The following SLC25A21 variants were observed in gnomAD, a reference collection of about 807,000 sequenced individuals.
SLC25A21 encodes the protein solute carrier family 25 member 21.
Under a neutral mutation model 43.8 loss-of-function variants are expected in SLC25A21, and 47 were observed. The ratio of observed to expected loss-of-function variants is 1.07; its 90% confidence interval spans 0.85 to 1.37. The LOEUF (loss-of-function observed/expected upper bound fraction) is 1.37. SLC25A21 is among the 40% of genes most tolerant of loss of function. The pLI is 0.00. For missense variants in SLC25A21, 352 were observed against 350.2 expected, an observed-to-expected ratio of 1.00 and a Z score of -0.04; for synonymous variants, 131 against 121.3, an observed-to-expected ratio of 1.08 and a Z score of -0.52.
At chr14:37,029,400 C>T (rs1338467068) in intron 1 of SLC25A21, among the ~76,000 whole-genome samples, 1 of 152,088 alleles carries the variant, frequency 6.6e-6, no homozygotes, top group Non-Finnish European at 1.5e-5. Flanking sequence ...ATAAAGCTTG[C>T]TGTTGTTACT....
chr14:36,736,824 T>A (rs1294065066), intron 3 of SLC25A21, among the ~76,000 whole-genome samples: 1 of 152,170 alleles, frequency 6.6e-6, no homozygotes, highest in African/African-American at 2.4e-5. Flanking sequence ...AGGAAAGACA[T>A]TACACTTTTC....
intron 1 of SLC25A21, among the ~76,000 whole-genome samples, chr14:37,014,368 C>CA (rs1287236464): frequency 6.6e-6 from 1 of 152,140 alleles, no homozygotes; most frequent in African/African-American, 2.4e-5. Flanking sequence ...GTTGTCATTT[C>CA]GACAATGTTC....
intron 1 of SLC25A21, among the ~76,000 whole-genome samples, chr14:36,987,643 C>A (rs1566794163): frequency 6.6e-6 from 1 of 152,120 alleles, no homozygotes; most frequent in African/African-American, 2.4e-5. Context: ...AATATTTCAT[C>A]ATATGGTTGT....
chr14:36,689,026 C>T (rs962547629), intron 7 of SLC25A21, among the ~76,000 whole-genome samples: 6 of 152,106 alleles, frequency 3.9e-5, no homozygotes, highest in East Asian at 1.9e-4. Flanking sequence ...TGTATTAGTC[C>T]GTTTTCACGC....
intron 1 of SLC25A21, among the ~76,000 whole-genome samples, chr14:37,074,819 C>G (rs1455316237): frequency 6.6e-6 from 1 of 151,992 alleles, no homozygotes. Flanking sequence ...GAGACTCTGT[C>G]TCAAAAAAAT....
intron 1 of SLC25A21, among the ~76,000 whole-genome samples, chr14:36,969,117 C>T (rs1288386467): frequency 6.6e-6 from 1 of 152,190 alleles, no homozygotes; most frequent in Non-Finnish European, 1.5e-5. Flanking sequence ...TTTTCCTCTT[C>T]TGCATAATTT....
chr14:36,864,702 A>G (rs1417015697), intron 2 of SLC25A21, among the ~76,000 whole-genome samples: 1 of 152,198 alleles, frequency 6.6e-6, no homozygotes, highest in Non-Finnish European at 1.5e-5. Context: ...CAATTAAAAT[A>G]CAGTTTATAA....
intron 2 of SLC25A21, among the ~76,000 whole-genome samples, chr14:36,864,019 T>C (rs1566686570): frequency 6.6e-6 from 1 of 152,202 alleles, no homozygotes; most frequent in African/African-American, 2.4e-5. Flanking sequence ...GTAATACCAA[T>C]GAAATCTCTT....
chr14:36,678,897 C>T lies in SLC25A21; in HGVS notation c.*1761G>A. ...ATTCAAAGAAAATTATGATTTAAAG[C>T]CACTTTTTAAAATACGAGAAGGAAA... is the stretch of plus-strand genomic sequence containing the variant. On this transcript the variant is annotated 3_prime_UTR_variant, in exon 10 of 10. Coordinates refer to ENST00000331299, the MANE Select transcript of SLC25A21 (RefSeq NM_030631.4). 7 of 976,274 alleles carry T rather than the reference C, an allele frequency of 7.2e-6. No individual in the cohort carries two copies. The highest frequency in any genetic ancestry group is 7.3e-6 in the Non-Finnish European group (6 of 820,968). The allele number at this position is 976,274 out of a possible 1,614,324, so 60.5% of individuals were successfully genotyped here.
chr14:37,030,539 G>A (rs1047944068), intron 1 of SLC25A21, among the ~76,000 whole-genome samples: 1 of 152,132 alleles, frequency 6.6e-6, no homozygotes, highest in Non-Finnish European at 1.5e-5. Flanking sequence ...CTTGCACCAT[G>A]TACATACTTT....
intron 1 of SLC25A21, among the ~76,000 whole-genome samples, chr14:37,171,488 T>C (rs1964128116): frequency 6.6e-6 from 1 of 152,144 alleles, no homozygotes; most frequent in Non-Finnish European, 1.5e-5. Flanking sequence ...TATGAGCCAA[T>C]TATGGCAATT....
chr14:36,680,155 A>AT lies in SLC25A21; in HGVS notation c.*502dup, dbSNP rs1882154117. 1.2e-6 allele frequency: 1 copy of AT among 845,394 alleles called. No individual in the cohort carries two copies. The highest frequency in any genetic ancestry group is 1.4e-6 in the Non-Finnish European group (1 of 703,280). 52.4% of individuals were successfully genotyped at this position (845,394 alleles called of 1,614,324 possible). On this transcript the variant is annotated 3_prime_UTR_variant, in exon 10 of 10. Coordinates refer to ENST00000331299, the MANE Select transcript of SLC25A21 (RefSeq NM_030631.4). The stretch of plus-strand genomic sequence containing the variant: ...AGGTCATTTTAGTGCACTTTAAAAA[A>AT]TTTTTCTTGTGCTCTTTAAATATTA...
At chr14:36,779,225 TTA>T (rs1181729418) in intron 3 of SLC25A21, among the ~76,000 whole-genome samples, 1 of 146,648 alleles carries the variant, frequency 6.8e-6, no homozygotes, top group Admixed American at 6.9e-5. Flanking sequence ...TTACATATTC[TTA>T]TATATAAGAT....
intron 2 of SLC25A21, among the ~76,000 whole-genome samples, chr14:36,848,112 C>T (rs1445223954): frequency 2.6e-5 from 4 of 152,046 alleles, no homozygotes; most frequent in Non-Finnish European, 4.4e-5. Flanking sequence ...AAAAACACCA[C>T]GAATTGGGAT....
chr14:37,078,623 G>A (rs1318925390), intron 1 of SLC25A21, among the ~76,000 whole-genome samples: 1 of 152,158 alleles, frequency 6.6e-6, no homozygotes, highest in Admixed American at 6.5e-5. Flanking sequence ...ACACACCTGT[G>A]AAATCAGATG....
rs147232665 is a variant in SLC25A21, at chr14:36,834,070, C to T, written c.120-20069G>A. Reference sequence around the variant, plus strand: ...TTTGTCTCACAACCATCTTTTAAAACGCTATAAGTGAAGGTGTGGATTAAT... The same window carrying T: ...TTTGTCTCACAACCATCTTTTAAAATGCTATAAGTGAAGGTGTGGATTAAT... On this transcript the variant is annotated intron_variant, in intron 2 of 9. Transcript: ENST00000331299. Among the ~76,000 whole-genome samples the T allele has an allele frequency of 1.2e-4, 18 of 152,246 alleles. No homozygotes were observed. In the East Asian group the frequency reaches 1.9e-3, roughly 16 times the overall value.
At chr14:37,094,162 GTTTAGAC>G (rs958789275) in intron 1 of SLC25A21, among the ~76,000 whole-genome samples, 1 of 152,164 alleles carries the variant, frequency 6.6e-6, no homozygotes, top group Non-Finnish European at 1.5e-5. Flanking sequence ...CAAGTGTGGA[GTTTAGAC>G]TTTAAAGATT....
At chr14:36,956,320 T>C (rs190651262) in intron 1 of SLC25A21, among the ~76,000 whole-genome samples, 10 of 152,324 alleles carry the variant, frequency 6.6e-5, no homozygotes, top group African/African-American at 2.4e-4. Context: ...TATGTGAAGC[T>C]GGTTAAAAAT....
intron 1 of SLC25A21, among the ~76,000 whole-genome samples, chr14:36,962,172 A>G (rs1170018105): frequency 1.3e-5 from 2 of 152,150 alleles, no homozygotes; most frequent in Non-Finnish European, 2.9e-5. Context: ...ACCAGGTCCC[A>G]TGCTATTCCT....
Sources: gnomAD v4.1 joint callset for allele counts (sites outside exome capture counted in the v4.1 genomes callset) on GRCh38, gnomAD v4.1.1 for gene constraint, MANE v1.5 for transcripts, NCBI Gene and HGNC (gene_info 2026-07-23, HGNC 2026-07-21) for gene names.